The following KIAA1549L variants were observed in gnomAD, a reference collection of about 807,000 sequenced individuals.
KIAA1549L encodes UPF0606 protein KIAA1549L.
In KIAA1549L, 88 loss-of-function variants were observed where a neutral mutation model predicts 160.7. The ratio of observed to expected loss-of-function variants is 0.55; its 90% CI spans 0.46 to 0.65. The LOEUF (loss-of-function observed/expected upper bound fraction) is 0.65, where lower values mean the gene tolerates loss of function less well. KIAA1549L is among the 30% of genes least tolerant of loss of function. KIAA1549L has a pLI of 0.00. For synonymous variants in KIAA1549L, 950 were observed against 976.7 expected (o/e 0.97, Z 0.51); for missense variants, 2,258 against 2,437.5 (o/e 0.93, Z 1.55).
chr11:33,383,212 G>A (rs2134034871), intron 1 of KIAA1549L, among the ~76,000 whole-genome samples: 1 of 151,330 alleles, frequency 6.6e-6, no homozygotes, highest in East Asian at 1.9e-4. Context: ...CAAAATGAAT[G>A]TGCACACTTC....
intron 1 of KIAA1549L, among the ~76,000 whole-genome samples, chr11:33,430,422 A>T (rs34766964): frequency 0.075 from 11,386 of 152,260 alleles, 649 homozygotes; most frequent in Non-Finnish European, 0.12. Flanking sequence ...AAACATTTCA[A>T]CATGTAGGGA....
At chr11:33,586,097 A>C (rs1349529252) in intron 11 of KIAA1549L, among the ~76,000 whole-genome samples, 1 of 152,224 alleles carries the variant, frequency 6.6e-6, no homozygotes, top group African/African-American at 2.4e-5. Context: ...ATCACTTCTC[A>C]CCACCTTGTG....
chr11:33,649,126 C>T (rs1236620546), intron 17 of KIAA1549L, among the ~76,000 whole-genome samples: 1 of 152,122 alleles, frequency 6.6e-6, no homozygotes, highest in Non-Finnish European at 1.5e-5. Flanking sequence ...AAATCCCACG[C>T]TCTTTCTACC....
At chr11:33,396,451 G>A (rs570070843) in intron 1 of KIAA1549L, among the ~76,000 whole-genome samples, 1 of 152,302 alleles carries the variant, frequency 6.6e-6, no homozygotes, top group South Asian at 2.1e-4. Context: ...GGATTTTGCT[G>A]GTAGAATTTC....
At position 33,574,776 on chromosome 11, in the gene KIAA1549L, G is replaced by A. The variant is rs775381746; in HGVS notation, c.4305G>A (p.Lys1435=). 3 of 1,613,982 alleles carry A rather than the reference G, an allele frequency of 1.9e-6. No homozygotes were observed. Among genetic ancestry groups the A allele is most frequent in the Non-Finnish European group, 2.5e-6 (3 of 1,179,816 alleles). Residue 1435 remains lysine (K), a synonymous_variant, in exon 10 of 21, where the codon AAG becomes AAA. Transcript: ENST00000658780. Reference sequence around the variant, plus strand: ...CTTACTATACCCTGTACAACGGGAAGCCTTTGTTGGGGACCGCAGCTGCCA... The same window carrying A: ...CTTACTATACCCTGTACAACGGGAAACCTTTGTTGGGGACCGCAGCTGCCA... The part of the protein sequence containing the change: ...ELTYYTLYNG[K]PLLGTAAAKI...
At chr11:33,623,037 C>T (rs965101562) in intron 16 of KIAA1549L, among the ~76,000 whole-genome samples, 5 of 152,152 alleles carry the variant, frequency 3.3e-5, no homozygotes, top group African/African-American at 1.2e-4. Context: ...CTGGAAAGTC[C>T]CTGACTGCTC....
At chr11:33,585,096 G>A (rs1855769275) in intron 11 of KIAA1549L, among the ~76,000 whole-genome samples, 1 of 152,212 alleles carries the variant, frequency 6.6e-6, no homozygotes, top group Admixed American at 6.5e-5. Flanking sequence ...CTACTGAAGA[G>A]CCAAATGCCA....
Position 33,597,083 on chromosome 11 carries a change from A to G in KIAA1549L, c.4752-1737A>G, listed in dbSNP as rs192192345. On this transcript the variant is annotated intron_variant, in intron 12 of 20. Coordinates refer to ENST00000658780, the MANE Select transcript of KIAA1549L (RefSeq NM_012194.3). ...ATTAAGATGAGAAAGATTGTGACCGAATAAATTTGGAAATGTTGGGTTAAA... is the reference window on the plus strand; with the variant it reads ...ATTAAGATGAGAAAGATTGTGACCGGATAAATTTGGAAATGTTGGGTTAAA... Among the ~76,000 whole-genome samples, 22 of 152,326 alleles carry G rather than the reference A, an allele frequency of 1.4e-4. No individual in the cohort carries two copies. In the East Asian group the frequency reaches 4.2e-3, roughly 29 times the overall value.
chr11:33,514,342 T>TG (rs2133111779), intron 1 of KIAA1549L, among the ~76,000 whole-genome samples: 1 of 152,320 alleles, frequency 6.6e-6, no homozygotes, highest in South Asian at 2.1e-4. Context: ...CAGAATTTGT[T>TG]GGGGGAACCA....
intron 1 of KIAA1549L, among the ~76,000 whole-genome samples, chr11:33,498,762 G>T (rs1457226691): frequency 2.0e-5 from 3 of 152,206 alleles, no homozygotes; most frequent in Non-Finnish European, 4.4e-5. Context: ...TACAGGGAAG[G>T]GAGGAATTGT....
intron 1 of KIAA1549L, among the ~76,000 whole-genome samples, chr11:33,407,651 A>G (rs940982322): frequency 6.6e-6 from 1 of 152,084 alleles, no homozygotes; most frequent in African/African-American, 2.4e-5. Flanking sequence ...GCCCTGCCCT[A>G]ATCCTTTTAA....
At chr11:33,493,048 C>G (rs1362653156) in intron 1 of KIAA1549L, among the ~76,000 whole-genome samples, 1 of 152,090 alleles carries the variant, frequency 6.6e-6, no homozygotes, top group Non-Finnish European at 1.5e-5. Context: ...TGACCTGCAC[C>G]TCCACTTTAT....
chr11:33,591,535 G>T (rs1369431941), intron 12 of KIAA1549L, 114 bp downstream of exon 12: 3 of 814,594 alleles, frequency 3.7e-6, no homozygotes, highest in Non-Finnish European at 5.8e-6. Context: ...TCCCCTTCAT[G>T]CTCATTTTGA....
intron 1 of KIAA1549L, among the ~76,000 whole-genome samples, chr11:33,511,883 G>T (rs1398348966): frequency 2.0e-5 from 3 of 152,202 alleles, no homozygotes; most frequent in African/African-American, 7.2e-5. Flanking sequence ...TGTAAGGACT[G>T]GACCAGGTGA....
intron 1 of KIAA1549L, among the ~76,000 whole-genome samples, chr11:33,437,519 G>A (rs1851405419): frequency 6.6e-6 from 1 of 152,178 alleles, no homozygotes; most frequent in Admixed American, 6.5e-5. Context: ...GAGACACATT[G>A]TGTTATCTTT....
Position 33,542,978 on chromosome 11 carries a change from C to A in KIAA1549L, c.1415C>A (p.Pro472His), listed in dbSNP as rs373083605. 1.9e-5 allele frequency: 31 copies of A among 1,613,920 alleles called. No individual in the cohort carries two copies. The African/African-American group carries it at 4.0e-4, about 21-fold the overall frequency. ...GCAGAACACACCTCTTCTTTGGTGC[C>A]TTCTCTGCATATCACCACACTGGGT... The part of the protein sequence containing the change: ...LSAEHTSSLV[P>H]SLHITTLGQE... The change falls in exon 2 of 21, where the codon CCT becomes CAT. Residue 472 changes from proline to histidine, a missense_variant. Transcript: ENST00000658780.
At position 33,525,924 on chromosome 11, in the gene KIAA1549L, A is replaced by G. The variant is rs540837400; in HGVS notation, c.239-15878A>G. Among the ~76,000 whole-genome samples the G allele has an allele frequency of 5.9e-5, 9 of 152,144 alleles. No individual in the cohort carries two copies. In the South Asian group the frequency reaches 1.9e-3, roughly 32 times the overall value. Reference sequence around the variant, plus strand: ...CTGGGAACATAACTCTATTGGCCTGAGAACCACCCGCACCGCTGCCTCCCC... The same window carrying G: ...CTGGGAACATAACTCTATTGGCCTGGGAACCACCCGCACCGCTGCCTCCCC... On this transcript the variant is annotated intron_variant, in intron 1 of 20. Coordinates refer to ENST00000658780, the MANE Select transcript of KIAA1549L (RefSeq NM_012194.3).
At chr11:33,386,834 C>T (rs996281777) in intron 1 of KIAA1549L, among the ~76,000 whole-genome samples, 10 of 151,966 alleles carry the variant, frequency 6.6e-5, no homozygotes, top group East Asian at 3.9e-4. Flanking sequence ...GGGCCAGATG[C>T]GGTGGCTCAA....
intron 1 of KIAA1549L, among the ~76,000 whole-genome samples, chr11:33,505,458 A>G (rs1453615944): frequency 1.3e-5 from 2 of 152,198 alleles, no homozygotes; most frequent in Non-Finnish European, 2.9e-5. Context: ...TATCCCTATC[A>G]CATGATGCCC....
Sources: allele counts gnomAD v4.1 joint callset (sites outside exome capture counted in the v4.1 genomes callset), GRCh38; gene constraint gnomAD v4.1.1; transcripts MANE v1.5; gene names NCBI Gene and HGNC (gene_info 2026-07-23, HGNC 2026-07-21).